CDC42BPA: variants seen among roughly 807,000 people sequenced by gnomAD.
The protein encoded by CDC42BPA is CDC42 binding protein kinase alpha, also known as serine/threonine-protein kinase MRCK alpha.
In CDC42BPA, 80 loss-of-function variants were observed where a neutral mutation model predicts 223.5. The ratio of observed to expected loss-of-function variants is 0.36; its 90% CI spans 0.30 to 0.43. CDC42BPA has a LOEUF of 0.43. Among genes scored for constraint, CDC42BPA ranks in the 20% least tolerant of loss-of-function variants. The pLI is 1.00. For synonymous variants in CDC42BPA, 694 were observed against 718.6 expected, an observed-to-expected ratio of 0.97 and a Z score of 0.55; for missense variants, 1,743 against 2,099.9, an observed-to-expected ratio of 0.83 and a Z score of 3.32.
chr1:227,255,658 A>G (rs981976274), intron 1 of CDC42BPA, among the ~76,000 whole-genome samples: 1 of 152,226 alleles, frequency 6.6e-6, no homozygotes, highest in African/African-American at 2.4e-5. Context: ...TGTCTCTTAA[A>G]AAGCAGTAAT....
At chr1:227,075,366 C>A (rs186207007) in intron 17 of CDC42BPA, among the ~76,000 whole-genome samples, 2 of 152,274 alleles carry the variant, frequency 1.3e-5, no homozygotes, top group Admixed American at 1.3e-4. Flanking sequence ...GCTTTAGTAT[C>A]TCTTAGAATG....
chr1:227,022,525 T>C (rs758356355), intron 32 of CDC42BPA, among the ~76,000 whole-genome samples: 2 of 152,234 alleles, frequency 1.3e-5, no homozygotes, highest in Non-Finnish European at 2.9e-5. Context: ...TACAAATACT[T>C]CTATTATATA....
intron 5 of CDC42BPA, among the ~76,000 whole-genome samples, chr1:227,179,496 C>T (rs540498387): frequency 2.6e-5 from 4 of 151,484 alleles, no homozygotes; most frequent in African/African-American, 7.3e-5. Flanking sequence ...ATTAGCCGGG[C>T]GTGGTGGTGG....
intron 11 of CDC42BPA, among the ~76,000 whole-genome samples, chr1:227,128,331 T>A (rs558921): frequency 6.6e-6 from 1 of 152,078 alleles, no homozygotes; most frequent in Non-Finnish European, 1.5e-5. Context: ...GAGCACTATA[T>A]TTAAAATGAT....
In CDC42BPA at chr1:226,994,045, C is replaced by T. The variant is rs1388366208; in HGVS notation, c.*223G>A. 1.6e-5 allele frequency: 8 copies of T among 498,940 alleles called. No homozygotes were observed. The highest frequency in any genetic ancestry group is 1.5e-4 in the Admixed American group (4 of 27,568). 30.9% of individuals were successfully genotyped at this position (498,940 alleles called of 1,614,324 possible). ...CTCTAAGTGCATGGAATGAAATCAA[C>T]GTTAATCTAAGCTGCTACGGAAAGT... On this transcript the variant is annotated 3_prime_UTR_variant, in exon 37 of 37. Transcript: ENST00000366766. This position sits in a 1 kb window ranked among gnomAD's most constrained non-coding sequence, Gnocchi z 4.0.
chr1:227,291,283 T>A (rs757433181), intron 1 of CDC42BPA, among the ~76,000 whole-genome samples: 1 of 152,132 alleles, frequency 6.6e-6, no homozygotes, highest in Non-Finnish European at 1.5e-5. Context: ...GCGCGGTGGC[T>A]CATGCCTGTA....
At chr1:227,128,578 G>GA (rs1244299759) in intron 11 of CDC42BPA, among the ~76,000 whole-genome samples, 1 of 152,018 alleles carries the variant, frequency 6.6e-6, no homozygotes. Context: ...TATATTTATT[G>GA]AAAAAATGCA....
At chr1:227,251,433 G>C (rs1681988070) in intron 2 of CDC42BPA, among the ~76,000 whole-genome samples, 1 of 151,976 alleles carries the variant, frequency 6.6e-6, no homozygotes, top group Non-Finnish European at 1.5e-5. Flanking sequence ...AAAACAAGTA[G>C]TAACATCATT....
Position 226,994,854 on chromosome 1 carries a change from C to T in CDC42BPA, c.5102G>A (p.Ser1701Asn), listed in dbSNP as rs931142776. The change falls in exon 36 of 37, where the codon AGT becomes AAT. Residue 1701 changes from serine (S) to asparagine (N), a missense_variant. By Grantham distance (46) the Ser-to-Asn change is conservative (BLOSUM62 1). This residue lies in a region of CDC42BPA where 200 missense variants were observed against 192.8 expected (regional missense o/e 1.04). Coordinates refer to ENST00000366766, the MANE Select transcript of CDC42BPA (RefSeq NM_001394014.1). The surrounding 1 kb of genome is among the most constrained non-coding windows in gnomAD (Gnocchi z 4.0). ...GTCAAAGTCCCTCGCTGGGGCATCA[C>T]TTCCTTGGTCCATGCCTCCAGAGGA... ...SLSSGGMDQGSDAPARDFDGE... is the reference protein window; with the variant it reads ...SLSSGGMDQGNDAPARDFDGE... 8.7e-6 allele frequency: 14 copies of T among 1,613,540 alleles called. No individual in the cohort carries two copies. Among genetic ancestry groups the T allele is most frequent in the Admixed American group, 1.7e-5 (1 of 59,950 alleles).
chr1:227,075,303 T>A (rs1679229459), intron 17 of CDC42BPA, among the ~76,000 whole-genome samples: 1 of 152,176 alleles, frequency 6.6e-6, no homozygotes, highest in African/African-American at 2.4e-5. Flanking sequence ...ATATTTCAGG[T>A]AAATCAGCAT....
At chr1:227,172,890 T>A (rs1272924147) in intron 5 of CDC42BPA, among the ~76,000 whole-genome samples, 1 of 152,138 alleles carries the variant, frequency 6.6e-6, no homozygotes, top group African/African-American at 2.4e-5. Context: ...AAATAATATA[T>A]CACTAAAAGA....
At chr1:227,313,384 T>TAA (rs1693848419) in intron 1 of CDC42BPA, among the ~76,000 whole-genome samples, 1 of 152,158 alleles carries the variant, frequency 6.6e-6, no homozygotes. Flanking sequence ...TAATTTCTCT[T>TAA]AAAAAGAGAG....
intron 14 of CDC42BPA, among the ~76,000 whole-genome samples, chr1:227,107,581 G>A (rs1400696900): frequency 6.6e-6 from 1 of 152,192 alleles, no homozygotes; most frequent in Non-Finnish European, 1.5e-5. Flanking sequence ...TCTCAAAAAA[G>A]AGTTTGGGAA....
chr1:227,151,572 T>C (rs1232216340), intron 6 of CDC42BPA, among the ~76,000 whole-genome samples: 6 of 152,158 alleles, frequency 3.9e-5, no homozygotes, highest in Non-Finnish European at 7.4e-5. Context: ...TTCCATATTT[T>C]ACATTCCCAC....
intron 1 of CDC42BPA, among the ~76,000 whole-genome samples, chr1:227,262,823 A>G (rs1450809749): frequency 6.6e-6 from 1 of 152,254 alleles, no homozygotes; most frequent in Non-Finnish European, 1.5e-5. Context: ...ATTTTAAAAT[A>G]TAACTCACCT....
chr1:227,078,765 CTA>C (rs1424771953), intron 17 of CDC42BPA, among the ~76,000 whole-genome samples: 1 of 152,096 alleles, frequency 6.6e-6, no homozygotes, highest in East Asian at 1.9e-4. Flanking sequence ...ATTTAAAGTG[CTA>C]TATGTCATGA....
At chr1:227,076,119 G>C (rs916479608) in intron 17 of CDC42BPA, among the ~76,000 whole-genome samples, 20 of 151,870 alleles carry the variant, frequency 1.3e-4, no homozygotes, top group Admixed American at 1.2e-3. Context: ...TACTGGTTTG[G>C]AGGGCAACTC....
intron 2 of CDC42BPA, among the ~76,000 whole-genome samples, chr1:227,246,363 C>A (rs1680951099): frequency 6.6e-6 from 1 of 151,926 alleles, no homozygotes; most frequent in Admixed American, 6.6e-5. Context: ...CATCTCTGGA[C>A]ACACCCGGGG....
intron 21 of CDC42BPA, among the ~76,000 whole-genome samples, chr1:227,053,297 T>C (rs997426444): frequency 2.6e-5 from 4 of 152,280 alleles, no homozygotes; most frequent in African/African-American, 9.6e-5. Context: ...GTGCCCTCCA[T>C]TGGTGCCCAC....
Sources: gnomAD v4.1 joint callset for allele counts (sites outside exome capture counted in the v4.1 genomes callset) on GRCh38, gnomAD v4.1.1 for gene constraint, gnomAD v4.1.1 regional missense constraint, Gnocchi (gnomAD v3.1) non-coding constraint, MANE v1.5 for transcripts, NCBI Gene and HGNC (gene_info 2026-07-23, HGNC 2026-07-21) for gene names.